CA10: variants seen among roughly 807,000 people sequenced by gnomAD.
CA10 encodes the protein carbonic anhydrase 10 (inactive).
In CA10, 14 loss-of-function variants were observed where a neutral mutation model predicts 44.2. The observed-to-expected ratio is 0.32, with a 90% CI of 0.21 to 0.50. CA10 has a LOEUF of 0.50. Among genes scored for constraint, CA10 ranks in the 20% least tolerant of loss-of-function variants. The probability of loss-of-function intolerance (pLI) is 0.99; values close to 1 mark genes in which losing one functional copy is unlikely to be tolerated. For synonymous variants in CA10, 159 were observed against 141.6 expected (o/e 1.12, Z -0.87); for missense variants, 350 against 409.7 (o/e 0.85, Z 1.26).
At chr17:51,984,858 A>C (rs1372980232) in intron 2 of CA10, among the ~76,000 whole-genome samples, 1 of 151,962 alleles carries the variant, frequency 6.6e-6, no homozygotes, top group East Asian at 1.9e-4. Context: ...GAGAGATTGA[A>C]ATGGTAATTT....
At chr17:51,889,691 C>T (rs1015947462) in intron 3 of CA10, among the ~76,000 whole-genome samples, 6 of 152,202 alleles carry the variant, frequency 3.9e-5, no homozygotes, top group African/African-American at 1.4e-4. Flanking sequence ...TATAATTAAA[C>T]TTTCCTACCC....
At chr17:51,877,209 G>A (rs1011376497) in intron 3 of CA10, among the ~76,000 whole-genome samples, 3 of 152,192 alleles carry the variant, frequency 2.0e-5, no homozygotes, top group African/African-American at 7.2e-5. Context: ...ATCAGCCAAT[G>A]TTGCTGAGTA....
chr17:51,874,636 A>G (rs1979971107), intron 3 of CA10, among the ~76,000 whole-genome samples: 1 of 152,196 alleles, frequency 6.6e-6, no homozygotes, highest in African/African-American at 2.4e-5. Flanking sequence ...TGTAAAATGT[A>G]CTGAAAACAT....
chr17:51,776,321 G>C (rs1598039601), intron 3 of CA10, among the ~76,000 whole-genome samples: 1 of 152,122 alleles, frequency 6.6e-6, no homozygotes, highest in East Asian at 1.9e-4. Context: ...ATTGTAGTGG[G>C]TTGAGAATGC....
At chr17:51,845,047 G>A (rs1462374546) in intron 3 of CA10, among the ~76,000 whole-genome samples, 1 of 152,170 alleles carries the variant, frequency 6.6e-6, no homozygotes, top group African/African-American at 2.4e-5. Context: ...ACAAGCCAAG[G>A]AATGCCAAGG....
intron 1 of CA10, among the ~76,000 whole-genome samples, chr17:52,115,187 G>A (rs181613676): frequency 2.0e-5 from 3 of 152,260 alleles, no homozygotes; most frequent in Non-Finnish European, 4.4e-5. Flanking sequence ...TGCGAGGTGG[G>A]AGCCTATTGG....
intron 3 of CA10, among the ~76,000 whole-genome samples, chr17:51,765,342 G>A (rs1905333363): frequency 6.6e-6 from 1 of 152,072 alleles, no homozygotes; most frequent in Non-Finnish European, 1.5e-5. Flanking sequence ...CAACTTCCTG[G>A]CTAATGAGCC....
chr17:51,901,569 C>T (rs1981318076), intron 3 of CA10, among the ~76,000 whole-genome samples: 1 of 152,036 alleles, frequency 6.6e-6, no homozygotes, highest in African/African-American at 2.4e-5. Flanking sequence ...GTCAGTGTTC[C>T]TGCATGTACT....
chr17:52,001,373 T>C (rs1985419960), intron 2 of CA10, among the ~76,000 whole-genome samples: 1 of 151,982 alleles, frequency 6.6e-6, no homozygotes, highest in South Asian at 2.1e-4. Flanking sequence ...AGAAAGCCTA[T>C]ATTGATTTAG....
chr17:51,867,580 A>C (rs1243840422), intron 3 of CA10, among the ~76,000 whole-genome samples: 2 of 152,236 alleles, frequency 1.3e-5, no homozygotes, highest in East Asian at 3.9e-4. Flanking sequence ...CACAGACTGC[A>C]CTTGTCACAC....
chr17:51,654,714 G>T (rs570834699), intron 4 of CA10, among the ~76,000 whole-genome samples: 3 of 152,044 alleles, frequency 2.0e-5, no homozygotes, highest in Middle Eastern at 3.4e-3. Flanking sequence ...ATGTCACCAC[G>T]CCAGGCTAAT....
chr17:51,861,706 A>G (rs1025151916), intron 3 of CA10, among the ~76,000 whole-genome samples: 31 of 152,316 alleles, frequency 2.0e-4, no homozygotes, highest in African/African-American at 7.0e-4. Flanking sequence ...AAATTAGCCA[A>G]TTAATCTGGC....
chr17:52,120,413 ACC>A (rs1988987892), intron 1 of CA10, among the ~76,000 whole-genome samples: 1 of 144,892 alleles, frequency 6.9e-6, no homozygotes, highest in Non-Finnish European at 1.5e-5. Flanking sequence ...TTCATCCTTA[ACC>A]TTATCCTTAT....
chr17:51,703,676 A>G (rs919105754), intron 4 of CA10, among the ~76,000 whole-genome samples: 1 of 152,186 alleles, frequency 6.6e-6, no homozygotes, highest in Non-Finnish European at 1.5e-5. Flanking sequence ...GCGATGTACA[A>G]GAGTCGTGAG....
In CA10 at chr17:51,654,764, C is replaced by G. The variant is rs566803962; in HGVS notation, c.466-1028G>C. 5.9e-5 allele frequency among the ~76,000 whole-genome samples: 9 copies of G among 152,058 alleles called. No individual in the cohort carries two copies. The East Asian group carries it at 7.7e-4, about 13-fold the overall frequency. On this transcript the variant is annotated intron_variant, in intron 4 of 8. Coordinates refer to ENST00000451037, the MANE Select transcript of CA10 (RefSeq NM_020178.5). The stretch of plus-strand genomic sequence containing the variant: ...GTAGAGACGGGGTTTCACCATGTTA[C>G]CCAGGATGGTCTCCATCTCCTGACC...
At chr17:51,667,619 G>A (rs1303299902) in intron 4 of CA10, among the ~76,000 whole-genome samples, 3 of 151,784 alleles carry the variant, frequency 2.0e-5, no homozygotes, top group South Asian at 4.2e-4. Context: ...GCTGCACTCT[G>A]TGTGGTCATT....
At chr17:51,797,866 A>G (rs1906776008) in intron 3 of CA10, among the ~76,000 whole-genome samples, 1 of 151,396 alleles carries the variant, frequency 6.6e-6, no homozygotes, top group Non-Finnish European at 1.5e-5. Flanking sequence ...AAAAAAAAAA[A>G]AAAAAAAAAG....
intron 2 of CA10, among the ~76,000 whole-genome samples, chr17:51,994,269 A>G (rs1263613228): frequency 6.6e-6 from 1 of 151,868 alleles, no homozygotes; most frequent in Admixed American, 6.6e-5. Flanking sequence ...TTTTCCCCCT[A>G]TGACTTGGAT....
chr17:51,953,377 T>C (rs372450855), intron 2 of CA10, among the ~76,000 whole-genome samples: 6 of 152,284 alleles, frequency 3.9e-5, no homozygotes, highest in Admixed American at 1.3e-4. Flanking sequence ...TCCATTACAC[T>C]CTGTCTTTTC....
Sources: gnomAD v4.1 joint callset for allele counts (sites outside exome capture counted in the v4.1 genomes callset) on GRCh38, gnomAD v4.1.1 for gene constraint, MANE v1.5 for transcripts, NCBI Gene and HGNC (gene_info 2026-07-23, HGNC 2026-07-21) for gene names.